The following DNER variants were observed in gnomAD, a reference collection of about 807,000 sequenced individuals.
DNER encodes delta and Notch-like epidermal growth factor-related receptor.
A neutral mutation model predicts 78.2 loss-of-function variants in DNER; 33 were observed. The observed-to-expected ratio is 0.42, with a 90% CI of 0.32 to 0.56. The LOEUF (loss-of-function observed/expected upper bound fraction) is 0.56. Ranked by LOEUF, DNER falls within the 20% of genes least tolerant of loss-of-function variation. DNER has a pLI of 0.11. For synonymous variants in DNER, 417 were observed against 384.8 expected (o/e 1.08, Z -0.98); for missense variants, 918 against 975.3 (o/e 0.94, Z 0.78).
chr2:229,700,536 T>C (rs752068981), intron 1 of DNER, among the ~76,000 whole-genome samples: 28 of 151,980 alleles, frequency 1.8e-4, no homozygotes, highest in Non-Finnish European at 3.8e-4. Context: ...CTGGAAATAA[T>C]GTGCTTTAGT....
chr2:229,408,156 A>T (rs968224863), intron 9 of DNER, among the ~76,000 whole-genome samples: 16 of 151,176 alleles, frequency 1.1e-4, no homozygotes, highest in Non-Finnish European at 1.5e-5. Flanking sequence ...ACTTTTTTTA[A>T]AAAAAAAAGA....
chr2:229,502,022 T>C (rs1695632078), intron 6 of DNER, among the ~76,000 whole-genome samples: 1 of 152,190 alleles, frequency 6.6e-6, no homozygotes, highest in African/African-American at 2.4e-5. Flanking sequence ...AATTGCATGC[T>C]GTTTTTCTAA....
intron 12 of DNER, 128 bp from the exon 13 acceptor site, chr2:229,358,779 T>A: frequency 1.4e-6 from 1 of 729,466 alleles, no homozygotes; most frequent in Non-Finnish European, 2.2e-6. Context: ...ATAGCAAGCA[T>A]AGAAACTTTA....
At chr2:229,513,058 C>A in intron 5 of DNER, 122 bp from the exon 6 acceptor site, 3 of 1,107,744 alleles carry the variant, frequency 2.7e-6, no homozygotes, top group Non-Finnish European at 3.8e-6. Flanking sequence ...AATCAAATCA[C>A]TTATGTCATA....
intron 1 of DNER, among the ~76,000 whole-genome samples, chr2:229,647,020 A>G (rs535555816): frequency 1.3e-5 from 2 of 152,286 alleles, no homozygotes; most frequent in South Asian, 4.1e-4. Context: ...TGCAAAACTT[A>G]GCTGGGCATG....
intron 1 of DNER, among the ~76,000 whole-genome samples, chr2:229,618,050 GA>G (rs1395532591): frequency 1.3e-5 from 2 of 152,180 alleles, no homozygotes; most frequent in East Asian, 3.8e-4. Flanking sequence ...CCATCCAATG[GA>G]GATAACCCCC....
At position 229,546,956 on chromosome 2, in the gene DNER, C is replaced by T. The variant is rs948215022; in HGVS notation, c.984G>A (p.Lys328=). The change falls in exon 5 of 13, where the codon AAG becomes AAA. Residue 328 remains lysine (K), a synonymous_variant. Coordinates refer to ENST00000341772, the MANE Select transcript of DNER (RefSeq NM_139072.4). ...ECSGKGKCTT[K]PSEATFSCTC... ...CCAGGCATCCCCTTACCTCTGACGG[C>T]TTCGTGGTGCATTTTCCTTTTCCTG... 1 of 1,614,164 alleles carries T rather than the reference C, an allele frequency of 6.2e-7. No individual in the cohort carries two copies. Among genetic ancestry groups the T allele is most frequent in the African/African-American group, 1.3e-5 (1 of 75,052 alleles).
At chr2:229,402,222 G>T (rs1388040474) in intron 10 of DNER, among the ~76,000 whole-genome samples, 1 of 152,060 alleles carries the variant, frequency 6.6e-6, no homozygotes, top group Non-Finnish European at 1.5e-5. Context: ...AAAAATGCAT[G>T]GATGAGCAAA....
chr2:229,518,876 CATTT>C (rs1236393823), intron 5 of DNER, among the ~76,000 whole-genome samples: 1 of 152,088 alleles, frequency 6.6e-6, no homozygotes, highest in East Asian at 1.9e-4. Context: ...AAAATTCACT[CATTT>C]AAGTGCCACA....
chr2:229,474,551 G>C (rs868628845), intron 7 of DNER, among the ~76,000 whole-genome samples: 3 of 152,150 alleles, frequency 2.0e-5, no homozygotes, highest in African/African-American at 2.4e-5. Flanking sequence ...AAAGGAGAAG[G>C]GTTCCTAGAT....
chr2:229,702,008 A>G, intron 1 of DNER: 1 of 197,934 alleles, frequency 5.1e-6, no homozygotes, highest in Non-Finnish European at 1.1e-5. Context: ...GCCAAGTAGG[A>G]GAAAAGCCTT....
rs61198980 is a variant in DNER at position 229,668,461 on chromosome 2, A to T, written c.276+45687T>A. 7.5e-3 allele frequency among the ~76,000 whole-genome samples: 994 copies of T among 132,852 alleles called. 20 individuals are homozygous for T. Among genetic ancestry groups the T allele is most frequent in the African/African-American group, 0.03 (914 of 30,856 alleles). 87.2% of individuals were successfully genotyped at this position (132,852 alleles called of 152,430 possible). A position where few individuals can be genotyped will look rare whatever the true frequency, so the allele number is the denominator to read the frequency against. On this transcript the variant is annotated intron_variant, in intron 1 of 12. Coordinates refer to ENST00000341772, the MANE Select transcript of DNER (RefSeq NM_139072.4). ...ATATATACACTTATATATATATATA[A>T]AAGAAGACATATATATAGGTAAGTA...
At chr2:229,499,235 C>T (rs1430779805) in intron 6 of DNER, among the ~76,000 whole-genome samples, 2 of 152,018 alleles carry the variant, frequency 1.3e-5, no homozygotes, top group Admixed American at 1.3e-4. Context: ...CACCTGAGGT[C>T]AGGAGTTTGA....
chr2:229,381,687 C>T (rs894211497), intron 11 of DNER, among the ~76,000 whole-genome samples: 18 of 152,174 alleles, frequency 1.2e-4, no homozygotes, highest in African/African-American at 3.6e-4. Context: ...CGGAGCCCAC[C>T]GCAGCACTGC....
chr2:229,616,266 C>T (rs990126714), intron 1 of DNER, among the ~76,000 whole-genome samples: 2 of 152,210 alleles, frequency 1.3e-5, no homozygotes, highest in African/African-American at 4.8e-5. Context: ...CCTCCCACAT[C>T]CTCTCCTCAT....
At position 229,654,825 on chromosome 2, in the gene DNER, A is replaced by G. The variant is rs145668019; in HGVS notation, c.276+59323T>C. Among the ~76,000 whole-genome samples the G allele has an allele frequency of 4.0e-3, 612 of 152,348 alleles. 2 individuals are homozygous for G. The highest frequency in any genetic ancestry group is 0.014 in the African/African-American group (582 of 41,576). On this transcript the variant is annotated intron_variant, in intron 1 of 12. Transcript: ENST00000341772. ...TTCAGCCCATACACTTTTATTGAGC[A>G]CATTAATGATATGCTCATTAATGAG... is the stretch of plus-strand genomic sequence containing the variant.
chr2:229,426,440 C>CAAAAAAA (rs58842918), intron 8 of DNER, among the ~76,000 whole-genome samples: 10 of 69,208 alleles, frequency 1.4e-4, no homozygotes, highest in African/African-American at 2.1e-4. Context: ...GACTCCATCT[C>CAAAAAAA]AAAAAAAAAA....
intron 5 of DNER, among the ~76,000 whole-genome samples, chr2:229,544,034 A>G (rs1213435562): frequency 6.7e-6 from 1 of 149,478 alleles, no homozygotes; most frequent in African/African-American, 2.6e-5. Context: ...CAAACCTCAC[A>G]TTTTCCTATA....
rs143120244 is a variant in DNER at position 229,363,525 on chromosome 2, C to T, written c.2102+3348G>A. On this transcript the variant is annotated intron_variant, in intron 12 of 12. Coordinates refer to ENST00000341772, the MANE Select transcript of DNER (RefSeq NM_139072.4). ...AAACCCCAGGTTGGAGCTGAATAAA[C>T]GTTCAGAAGAGAAGTTTTCCTAAAG... 3.3e-5 allele frequency among the ~76,000 whole-genome samples: 5 copies of T among 152,286 alleles called. No homozygotes were observed. The East Asian group carries it at 7.7e-4, about 23-fold the overall frequency.
Sources: gnomAD v4.1 joint callset for allele counts (sites outside exome capture counted in the v4.1 genomes callset) on GRCh38, gnomAD v4.1.1 for gene constraint, MANE v1.5 for transcripts, NCBI Gene and HGNC (gene_info 2026-07-23, HGNC 2026-07-21) for gene names.